STK11IP: variants seen among roughly 807,000 people sequenced by gnomAD.
STK11IP encodes serine/threonine kinase 11 interacting protein.
A neutral mutation model predicts 131.7 loss-of-function variants in STK11IP; 103 were observed. The ratio of observed to expected loss-of-function variants is 0.78; its 90% confidence interval spans 0.67 to 0.92. The LOEUF is 0.92. Among genes scored for constraint, STK11IP ranks in the 40% least tolerant of loss-of-function variants. The pLI, the probability that STK11IP is intolerant of heterozygous loss-of-function variation, is 0.00. For missense variants in STK11IP, 1,315 were observed against 1,385.7 expected (o/e 0.95, Z 0.81); for synonymous variants, 557 against 575.6 (o/e 0.97, Z 0.46).
At chr2:219,607,426 G>A (rs1698228758) in intron 13 of STK11IP, among the ~76,000 whole-genome samples, 1 of 152,136 alleles carries the variant, frequency 6.6e-6, no homozygotes, top group Non-Finnish European at 1.5e-5. Context: ...GGAGGCTGAG[G>A]TGGGAGGATT....
chr2:219,608,671 C>G lies in STK11IP; in HGVS notation c.1692C>G (p.Ala564=). The stretch of plus-strand genomic sequence containing the variant: ...AATGCTTTCTCAGGGTCACTTCTGC[C>G]CACCTGTTTGAGGTGGAACTCCAAG... ...GRECFLRVTS[A]HLFEVELQAA... Residue 564 remains alanine (A), a synonymous_variant, in exon 15 of 25, where the codon GCC becomes GCG. Coordinates refer to ENST00000456909, the MANE Select transcript of STK11IP (RefSeq NM_052902.4). The G allele has an allele frequency of 6.2e-7, 1 of 1,613,702 alleles. No homozygotes were observed. The highest frequency in any genetic ancestry group is 8.5e-7 in the Non-Finnish European group (1 of 1,179,842).
At position 219,601,621 on chromosome 2, in the gene STK11IP, A is replaced by AG. The variant is rs771329700; in HGVS notation, c.268-19dup. 3.0e-5 allele frequency: 26 copies of AG among 868,392 alleles called. No individual in the cohort carries two copies. The highest frequency in any genetic ancestry group is 4.3e-5 in the Non-Finnish European group (24 of 563,740). 53.8% of individuals were successfully genotyped at this position (868,392 alleles called of 1,614,324 possible). ...AGATCTGCTGTGCCTCAGTAAATTG[A>AG]GTTTTTTTTTTTTTTTCAGCTGGTC... is the stretch of plus-strand genomic sequence containing the variant. On this transcript the variant is annotated intron_variant, in intron 3 of 24. Transcript: ENST00000456909.
Position 219,615,194 on chromosome 2 carries a change from A to G in STK11IP, c.2970A>G (p.Ala990=). Reference sequence around the variant, plus strand: ...CCCCGGCAGAGCCCTCTCCTCCAGCAGCATCTGGCGAAGCCTCTGAGAAGG... The same window carrying G: ...CCCCGGCAGAGCCCTCTCCTCCAGCGGCATCTGGCGAAGCCTCTGAGAAGG... ...AGSPAEPSPP[A]ASGEASEKVP... The change falls in exon 24 of 25, where the codon GCA becomes GCG. Residue 990 remains alanine, a synonymous_variant. Coordinates refer to ENST00000456909, the MANE Select transcript of STK11IP (RefSeq NM_052902.4). 1 of 1,597,858 alleles carries G rather than the reference A, an allele frequency of 6.3e-7. No individual in the cohort carries two copies. Among genetic ancestry groups the G allele is most frequent in the Non-Finnish European group, 8.5e-7 (1 of 1,175,192 alleles).
At chr2:219,615,436 C>A in intron 24 of STK11IP, 95 bp downstream of exon 24, 1 of 1,485,120 alleles carries the variant, frequency 6.7e-7, no homozygotes, top group East Asian at 2.3e-5. Flanking sequence ...TCTAGGAACC[C>A]TGGGCATTGG....
At chr2:219,615,760 G>A in intron 24 of STK11IP, 1 of 670,156 alleles carries the variant, frequency 1.5e-6, no homozygotes, top group South Asian at 1.5e-5. Context: ...CCAAAGTGGT[G>A]GAGCCGGGAA....
chr2:219,613,274 TG>T, intron 20 of STK11IP, 49 bp downstream of exon 20: 2 of 94,384 alleles, frequency 2.1e-5, no homozygotes, highest in Admixed American at 2.1e-4. Flanking sequence ...TGGGGTGAGT[TG>T]GGGGGAGATG....
Position 219,611,745 on chromosome 2 carries a change from C to T in STK11IP, c.2246C>T (p.Pro749Leu). The T allele has an allele frequency of 1.2e-6, 2 of 1,613,092 alleles. No individual in the cohort carries two copies. The highest frequency in any genetic ancestry group is 8.5e-7 in the Non-Finnish European group (1 of 1,179,882). ...TCTGCCAGCCCTGTCTGCCACCCTC[C>T]TGGCCATGGTGACCACCTTGACAGG... is the stretch of plus-strand genomic sequence containing the variant. ...SPSASPVCHP[P>L]GHGDHLDRAK... Residue 749 changes from proline (P) to leucine (L), a missense_variant, in exon 18 of 25, where the codon CCT becomes CTT. Pro to Leu is a moderately conservative substitution (Grantham distance 98). Transcript: ENST00000456909.
At position 219,613,926 on chromosome 2, in the gene STK11IP, C is replaced by T. The variant is rs1698491023; in HGVS notation, c.2712C>T (p.Leu904=). 1.9e-6 allele frequency: 3 copies of T among 1,561,854 alleles called. No individual in the cohort carries two copies. The South Asian group carries it at 3.4e-5, about 18-fold the overall frequency. Residue 904 remains leucine (L), a synonymous_variant, in exon 21 of 25, where the codon CTC becomes CTT. Coordinates refer to ENST00000456909, the MANE Select transcript of STK11IP (RefSeq NM_052902.4). ...ATTGCCGGGCCTTCCTAGAGGAGCT[C>T]CTTGGTGAGAGAGGGGAGGGGAAGG... The part of the protein sequence containing the change: ...ARHCRAFLEE[L]LDVLQSLPPA...
At chr2:219,598,280 AGGGTCACCAGGTGTC>A (rs1330673113) in intron 2 of STK11IP, 100 bp downstream of exon 2, 1 of 819,952 alleles carries the variant, frequency 1.2e-6, no homozygotes, top group African/African-American at 1.8e-5. Flanking sequence ...TACGACTGGT[AGGGTCACCAGGTGTC>A]AGAGTTCAAT....
chr2:219,614,960 C>A, intron 23 of STK11IP, 134 bp from the exon 24 acceptor site: 1 of 1,112,690 alleles, frequency 9.0e-7, no homozygotes, highest in Non-Finnish European at 1.2e-6. Flanking sequence ...GTCTTGGCCC[C>A]AGGGGCACAG....
Position 219,614,569 on chromosome 2 carries a change from G to A in STK11IP, c.2869+23G>A, listed in dbSNP as rs147215660. On this transcript the variant is annotated intron_variant, in intron 23 of 24. Coordinates refer to ENST00000456909, the MANE Select transcript of STK11IP (RefSeq NM_052902.4). ...AAGGTGAAGCCTCTGTGCAGCTGAT[G>A]CTTCCCTGGTCTCTGTACCCTACCT... The A allele has an allele frequency of 4.9e-4, 788 of 1,613,108 alleles. 4 individuals carry two copies. The African/African-American group carries it at 9.3e-3, about 19-fold the overall frequency.
Position 219,605,625 on chromosome 2 carries a change from C to G in STK11IP, c.636C>G (p.His212Gln). Residue 212 changes from histidine (H) to glutamine (Q), a missense_variant, in exon 8 of 25, where the codon CAC (histidine) becomes CAG (glutamine). By Grantham distance (24) the His-to-Gln change is conservative (BLOSUM62 0). Transcript: ENST00000456909. ...CCTGCCAGGATTTGTGTGAGCTCCA[C>G]CATCTGGACATCTCCTATAATCGCC... ...QGFLMDLCEL[H>Q]HLDISYNRLH... 6.4e-7 allele frequency: 1 copy of G among 1,552,126 alleles called. No individual in the cohort carries two copies. The highest frequency in any genetic ancestry group is 8.7e-7 in the Non-Finnish European group (1 of 1,147,204).
At chr2:219,600,919 C>G (rs1697964046) in intron 2 of STK11IP, among the ~76,000 whole-genome samples, 1 of 152,156 alleles carries the variant, frequency 6.6e-6, no homozygotes, top group Admixed American at 6.6e-5. Flanking sequence ...GAACTGTGAA[C>G]CAAGCTGGCT....
intron 19 of STK11IP, 57 bp from the exon 20 acceptor site, chr2:219,613,071 T>TG: frequency 1.4e-6 from 2 of 1,458,180 alleles, no homozygotes; most frequent in Non-Finnish European, 1.9e-6. Context: ...GCTTTCAGTC[T>TG]GGCCCCACCT....
At chr2:219,613,960 T>C in intron 21 of STK11IP, 30 bp downstream of exon 21, 1 of 291,400 alleles carries the variant, frequency 3.4e-6, no homozygotes, top group Non-Finnish European at 6.6e-6. Context: ...GGCAGGAGGG[T>C]GGGCAGGAGG....
chr2:219,606,890 C>T (rs748761703), intron 12 of STK11IP, 32 bp downstream of exon 12: 44 of 1,594,232 alleles, frequency 2.8e-5, no homozygotes, highest in Middle Eastern at 1.7e-4. Flanking sequence ...CTTGTGCCTG[C>T]GGTTGGGTGT....
rs376980192 is a variant in STK11IP, at chr2:219,601,751, C to T, written c.342+36C>T. On this transcript the variant is annotated intron_variant, in intron 4 of 24. Transcript: ENST00000456909. Reference sequence around the variant, plus strand: ...ACGGGGGGATGTTGGTGCACAGCACCCAACTTGAGGCAGCCCCTTGGGGAT... The same window carrying T: ...ACGGGGGGATGTTGGTGCACAGCACTCAACTTGAGGCAGCCCCTTGGGGAT... The T allele has an allele frequency of 2.3e-4, 361 of 1,574,596 alleles. 1 individual carries two copies. In the South Asian group the frequency reaches 2.9e-3, roughly 13 times the overall value.
In STK11IP at chr2:219,608,583, C is replaced by G. The variant is rs777415481; in HGVS notation, c.1604C>G (p.Ala535Gly). Residue 535 changes from alanine to glycine, a missense_variant and splice_region_variant, in exon 15 of 25, where the codon GCG (alanine) becomes GGG (glycine). Coordinates refer to ENST00000456909, the MANE Select transcript of STK11IP (RefSeq NM_052902.4). ...EEEQDQKEVE[A>G]ELCRPLLVCP... ...GCCTTTTCTCTTGGTCTCTCCACAG[C>G]GGAACTCTGTCGCCCCTTGTTGGTG... The G allele has an allele frequency of 3.1e-6, 5 of 1,588,376 alleles. No individual in the cohort carries two copies. Among genetic ancestry groups the G allele is most frequent in the Non-Finnish European group, 4.3e-6 (5 of 1,165,796 alleles).
chr2:219,615,875 G>T (rs1698554916), intron 24 of STK11IP, 169 bp from the exon 25 acceptor site: 1 of 918,796 alleles, frequency 1.1e-6, no homozygotes, highest in African/African-American at 1.6e-5. Context: ...GCTGGATTCT[G>T]TTTACAAAGC....
Sources: gnomAD v4.1 joint callset for allele counts (sites outside exome capture counted in the v4.1 genomes callset) on GRCh38, gnomAD v4.1.1 for gene constraint, MANE v1.5 for transcripts, NCBI Gene and HGNC (gene_info 2026-07-23, HGNC 2026-07-21) for gene names.